Variants in FHIT observed in about 807,000 individuals in gnomAD.
FHIT encodes the protein bis(5'-adenosyl)-triphosphatase.
FHIT carries 19 observed loss-of-function variants against 17.9 expected under a neutral mutation model. The observed-to-expected ratio is 1.06, with a 90% CI of 0.74 to 1.56. The LOEUF (loss-of-function observed/expected upper bound fraction) is 1.56. Ranked by LOEUF, FHIT falls within the 40% of genes most tolerant of loss-of-function variation. The pLI is 0.00. For synonymous variants in FHIT, 81 were observed against 69.7 expected (o/e 1.16, Z -0.81); for missense variants, 248 against 189.2 (o/e 1.31, Z -1.82).
intron 2 of FHIT, among the ~76,000 whole-genome samples, chr3:61,095,690 C>A (rs1445025063): frequency 1.3e-5 from 2 of 152,054 alleles, no homozygotes; most frequent in Non-Finnish European, 2.9e-5. Flanking sequence ...CTCATTCTAA[C>A]CTATCCCCAC....
intron 5 of FHIT, among the ~76,000 whole-genome samples, chr3:60,035,112 G>T (rs1004898291): frequency 6.6e-6 from 1 of 152,166 alleles, no homozygotes; most frequent in Non-Finnish European, 1.5e-5. Flanking sequence ...TTATGACGGG[G>T]AGAGTCTCCT....
At chr3:59,856,106 A>G (rs1275279948) in intron 8 of FHIT, among the ~76,000 whole-genome samples, 3 of 152,272 alleles carry the variant, frequency 2.0e-5, no homozygotes, top group African/African-American at 7.2e-5. Context: ...GACAATATCG[A>G]TTAAAAGAGG....
At chr3:60,237,059 T>A (rs956826872) in intron 5 of FHIT, among the ~76,000 whole-genome samples, 2 of 152,078 alleles carry the variant, frequency 1.3e-5, no homozygotes, top group African/African-American at 4.8e-5. Flanking sequence ...TATTCATCAT[T>A]CCCATGGTGA....
At chr3:61,018,554 C>G (rs887585772) in intron 3 of FHIT, among the ~76,000 whole-genome samples, 1 of 152,174 alleles carries the variant, frequency 6.6e-6, no homozygotes, top group Admixed American at 6.5e-5. Context: ...GTTAGACAGT[C>G]AGATGCCCAC....
intron 5 of FHIT, among the ~76,000 whole-genome samples, chr3:60,362,192 T>C (rs1699933490): frequency 6.6e-6 from 1 of 152,218 alleles, no homozygotes; most frequent in Non-Finnish European, 1.5e-5. Flanking sequence ...CACATGGTTA[T>C]TTCTTGTGTA....
intron 3 of FHIT, among the ~76,000 whole-genome samples, chr3:60,867,587 A>G (rs901711163): frequency 6.6e-6 from 1 of 152,200 alleles, no homozygotes. Context: ...CCCCAAGCAT[A>G]GAGACTCCTG....
intron 3 of FHIT, among the ~76,000 whole-genome samples, chr3:60,917,619 A>G (rs1004570567): frequency 6.6e-6 from 1 of 152,202 alleles, no homozygotes; most frequent in African/African-American, 2.4e-5. Flanking sequence ...TCCAGCTAAA[A>G]GGTTAGACCC....
At chr3:60,584,976 T>A (rs2037860837) in intron 4 of FHIT, among the ~76,000 whole-genome samples, 1 of 152,022 alleles carries the variant, frequency 6.6e-6, no homozygotes, top group African/African-American at 2.4e-5. Context: ...GAATTTATTT[T>A]TTCTGCATTT....
intron 4 of FHIT, among the ~76,000 whole-genome samples, chr3:60,595,181 G>T (rs1463061648): frequency 1.3e-5 from 2 of 152,038 alleles, no homozygotes; most frequent in Non-Finnish European, 2.9e-5. Context: ...AAGTTGAACA[G>T]TCTAGATTTG....
intron 5 of FHIT, among the ~76,000 whole-genome samples, chr3:60,402,248 C>G (rs926042257): frequency 6.6e-6 from 1 of 152,174 alleles, no homozygotes; most frequent in Non-Finnish European, 1.5e-5. Flanking sequence ...CTTTTCCTCT[C>G]TAAATCTAAG....
intron 8 of FHIT, among the ~76,000 whole-genome samples, chr3:59,898,625 T>A (rs1422186712): frequency 2.0e-5 from 3 of 152,130 alleles, no homozygotes; most frequent in African/African-American, 7.2e-5. Flanking sequence ...ATAATAAATA[T>A]CCTCTACAGA....
chr3:59,916,278 G>A (rs1559727522), intron 8 of FHIT, among the ~76,000 whole-genome samples: 1 of 152,112 alleles, frequency 6.6e-6, no homozygotes, highest in Non-Finnish European at 1.5e-5. Context: ...TTCAGCTTAT[G>A]GTCTCTTGGA....
chr3:60,231,553 T>A (rs1031164781), intron 5 of FHIT, among the ~76,000 whole-genome samples: 21 of 152,304 alleles, frequency 1.4e-4, no homozygotes, highest in African/African-American at 5.1e-4. Context: ...CTTTTATCAC[T>A]GAACAAGACA....
At chr3:60,254,928 C>A (rs534608545) in intron 5 of FHIT, among the ~76,000 whole-genome samples, 2 of 152,126 alleles carry the variant, frequency 1.3e-5, no homozygotes, top group Non-Finnish European at 2.9e-5. Context: ...GGTTTAAAGG[C>A]CCGAGCACCA....
At chr3:60,065,699 T>C (rs548434161) in intron 5 of FHIT, among the ~76,000 whole-genome samples, 6 of 152,320 alleles carry the variant, frequency 3.9e-5, no homozygotes, top group African/African-American at 1.4e-4. Context: ...TCTACAGAGC[T>C]TCCTGTAGCA....
chr3:59,793,602 G>A (rs781722992), intron 8 of FHIT, among the ~76,000 whole-genome samples: 3 of 152,098 alleles, frequency 2.0e-5, no homozygotes, highest in East Asian at 3.9e-4. Flanking sequence ...CAGTCCTTGC[G>A]AGAATTCAAT....
chr3:60,059,156 G>C (rs1702203692), intron 5 of FHIT, among the ~76,000 whole-genome samples: 1 of 152,118 alleles, frequency 6.6e-6, no homozygotes, highest in African/African-American at 2.4e-5. Flanking sequence ...ATTTGTCACA[G>C]CCAGCACCAG....
chr3:61,037,221 T>C (rs1343600156), intron 3 of FHIT, among the ~76,000 whole-genome samples: 1 of 152,166 alleles, frequency 6.6e-6, no homozygotes, highest in Non-Finnish European at 1.5e-5. Flanking sequence ...CAGTCTGCTT[T>C]TTTTATGCAA....
At chr3:59,983,002 T>C (rs543427974) in intron 7 of FHIT, among the ~76,000 whole-genome samples, 6 of 152,048 alleles carry the variant, frequency 3.9e-5, no homozygotes, top group South Asian at 2.1e-4. Context: ...ACAATGCCAC[T>C]ATCTCAGCTC....
Sources: gnomAD v4.1 joint callset for allele counts (sites outside exome capture counted in the v4.1 genomes callset) on GRCh38, gnomAD v4.1.1 for gene constraint, MANE v1.5 for transcripts, NCBI Gene and HGNC (gene_info 2026-07-23, HGNC 2026-07-21) for gene names.